DLG2: variants seen among roughly 807,000 people sequenced by gnomAD.
DLG2 encodes the protein disks large homolog 2.
A neutral mutation model predicts 132.5 loss-of-function variants in DLG2; 45 were observed. The ratio of observed to expected loss-of-function variants is 0.34; its 90% CI spans 0.27 to 0.44. The LOEUF is 0.44. DLG2 is among the 20% of genes least tolerant of loss of function. The pLI, the probability that DLG2 is intolerant of heterozygous loss-of-function variation, is 1.00. For synonymous variants in DLG2, 424 were observed against 419.6 expected, an observed-to-expected ratio of 1.01 and a Z score of -0.13; for missense variants, 1,045 against 1,196.9, an observed-to-expected ratio of 0.87 and a Z score of 1.87.
At chr11:85,385,774 A>C (rs1400891062) in intron 3 of DLG2, among the ~76,000 whole-genome samples, 4 of 152,208 alleles carry the variant, frequency 2.6e-5, no homozygotes, top group Non-Finnish European at 5.9e-5. Context: ...AGAATAATAG[A>C]AACAACAGGT....
At chr11:83,707,876 A>G (rs2084423618) in intron 18 of DLG2, among the ~76,000 whole-genome samples, 2 of 152,240 alleles carry the variant, frequency 1.3e-5, no homozygotes, top group African/African-American at 2.4e-5. Flanking sequence ...TCCAGAAGGC[A>G]GAATGCATAG....
chr11:84,264,899 G>A (rs1288549643), intron 7 of DLG2, among the ~76,000 whole-genome samples: 1 of 152,160 alleles, frequency 6.6e-6, no homozygotes, highest in African/African-American at 2.4e-5. Context: ...TGGCCCTGTA[G>A]AACTTAGTCA....
At chr11:85,544,240 A>C (rs1383191948) in intron 3 of DLG2, among the ~76,000 whole-genome samples, 1 of 152,210 alleles carries the variant, frequency 6.6e-6, no homozygotes, top group Non-Finnish European at 1.5e-5. Flanking sequence ...CCACTTATTA[A>C]ATAGGGAATC....
At chr11:85,441,427 C>G (rs549880219) in intron 3 of DLG2, among the ~76,000 whole-genome samples, 1 of 152,160 alleles carries the variant, frequency 6.6e-6, no homozygotes, top group South Asian at 2.1e-4. Flanking sequence ...TTAAATCTCT[C>G]ATTTCCTTTT....
At chr11:83,486,274 C>A (rs1412030542) in intron 21 of DLG2, 3 of 686,460 alleles carry the variant, frequency 4.4e-6, no homozygotes, top group Non-Finnish European at 7.9e-6. Flanking sequence ...GAAAAAAAAT[C>A]ATGTAAGAAT....
chr11:85,236,885 A>T (rs1199536716), intron 4 of DLG2, among the ~76,000 whole-genome samples: 2 of 152,010 alleles, frequency 1.3e-5, no homozygotes, highest in African/African-American at 4.8e-5. Flanking sequence ...GTAAGAATAT[A>T]TGTTCATGAT....
chr11:84,832,775 A>G (rs1031590105), intron 6 of DLG2, among the ~76,000 whole-genome samples: 2 of 151,616 alleles, frequency 1.3e-5, no homozygotes, highest in Non-Finnish European at 3.0e-5. Flanking sequence ...TCTTAAGCTT[A>G]CAAAACTGCT....
At chr11:83,651,238 T>C (rs1341475948) in intron 18 of DLG2, among the ~76,000 whole-genome samples, 1 of 152,002 alleles carries the variant, frequency 6.6e-6, no homozygotes, top group Non-Finnish European at 1.5e-5. Flanking sequence ...TAAAAAAAAA[T>C]CTCAGATGGA....
At chr11:84,932,786 T>C (rs978727458) in intron 6 of DLG2, among the ~76,000 whole-genome samples, 22 of 152,166 alleles carry the variant, frequency 1.4e-4, no homozygotes, top group African/African-American at 5.3e-4. Context: ...GTTGGTTCTA[T>C]GACTTTGCTA....
At chr11:83,906,727 G>GGT (rs2075056264) in intron 15 of DLG2, among the ~76,000 whole-genome samples, 2 of 151,996 alleles carry the variant, frequency 1.3e-5, no homozygotes, top group Admixed American at 6.6e-5. Context: ...ACTTCACCAA[G>GGT]GTAATTGGGT....
intron 18 of DLG2, among the ~76,000 whole-genome samples, chr11:83,713,846 GGCATACAGTATTT>G (rs1400538409): frequency 8.5e-5 from 13 of 152,188 alleles, no homozygotes; most frequent in Non-Finnish European, 1.6e-4. Context: ...TTCTGACTGA[GGCATACAGTATTT>G]GCCAGAGTAC....
At chr11:84,033,122 G>C (rs997425499) in intron 11 of DLG2, among the ~76,000 whole-genome samples, 2 of 152,126 alleles carry the variant, frequency 1.3e-5, no homozygotes, top group African/African-American at 2.4e-5. Flanking sequence ...GGATCAAGGG[G>C]TAATTTTAAT....
chr11:84,056,379 G>A (rs1341587284), intron 11 of DLG2, among the ~76,000 whole-genome samples: 1 of 152,088 alleles, frequency 6.6e-6, no homozygotes, highest in Non-Finnish European at 1.5e-5. Flanking sequence ...GGACCATTTT[G>A]TCTCTCCTAG....
chr11:84,506,427 G>T (rs909639193), intron 7 of DLG2, among the ~76,000 whole-genome samples: 1 of 152,156 alleles, frequency 6.6e-6, no homozygotes, highest in Non-Finnish European at 1.5e-5. Context: ...AGCACAGTCG[G>T]AGAGAAATTT....
chr11:83,693,080 G>A (rs1200947940), intron 18 of DLG2: 2 of 152,124 alleles, frequency 1.3e-5, no homozygotes, highest in Non-Finnish European at 2.9e-5. Context: ...AAGTAAATAA[G>A]CTTCTAATTG....
In DLG2 at chr11:84,817,370, G is replaced by GA. The variant is rs897556299; in HGVS notation, c.358-282640dup. On this transcript the variant is annotated intron_variant, in intron 6 of 27. Transcript: ENST00000376104. The stretch of plus-strand genomic sequence containing the variant: ...TACACCAAGGACCTACCTAGGTCCT[G>GA]AAAAAAGCAGCCCCTTTAGGCTTAG... Among the ~76,000 whole-genome samples, 69 of 152,076 alleles carry GA rather than the reference G, an allele frequency of 4.5e-4. 1 individual carries two copies. The highest frequency in any genetic ancestry group is 1.6e-3 in the African/African-American group (65 of 41,544).
At chr11:84,898,019 A>G (rs2090423352) in intron 6 of DLG2, among the ~76,000 whole-genome samples, 1 of 151,968 alleles carries the variant, frequency 6.6e-6, no homozygotes. Flanking sequence ...GGTAAGTTTG[A>G]GATGGATCTT....
At chr11:84,559,646 C>T (rs560176656) in intron 6 of DLG2, among the ~76,000 whole-genome samples, 1 of 152,206 alleles carries the variant, frequency 6.6e-6, no homozygotes, top group South Asian at 2.1e-4. Context: ...TTAAAAGCTT[C>T]AACATGCAAA....
At chr11:83,877,642 A>C (rs1268057334) in intron 15 of DLG2, among the ~76,000 whole-genome samples, 1 of 152,192 alleles carries the variant, frequency 6.6e-6, no homozygotes, top group African/African-American at 2.4e-5. Flanking sequence ...TACACATGCA[A>C]GGTTAGCCAG....
Sources: allele counts gnomAD v4.1 joint callset (sites outside exome capture counted in the v4.1 genomes callset), GRCh38; gene constraint gnomAD v4.1.1; transcripts MANE v1.5; gene names NCBI Gene and HGNC (gene_info 2026-07-23, HGNC 2026-07-21).